Variants in MED15 observed in about 807,000 individuals in gnomAD.
The protein encoded by MED15 is mediator complex subunit 15.
In MED15, 41 loss-of-function variants were observed where a neutral mutation model predicts 118.7. The observed-to-expected ratio is 0.35, with a 90% CI of 0.27 to 0.45. The LOEUF (loss-of-function observed/expected upper bound fraction) is 0.45, where lower values mean the gene tolerates loss of function less well. Among genes scored for constraint, MED15 ranks in the 20% least tolerant of loss-of-function variants. The pLI is 1.00. For missense variants in MED15, 740 were observed against 1,025.5 expected (o/e 0.72, Z 3.80); for synonymous variants, 436 against 413.9 (o/e 1.05, Z -0.65).
chr22:20,520,736 C>T (rs373651069), intron 1 of MED15, among the ~76,000 whole-genome samples: 6 of 152,136 alleles, frequency 3.9e-5, no homozygotes, highest in African/African-American at 9.7e-5. Context: ...TGCAATCACA[C>T]TCTGTGCCAT....
At chr22:20,548,845 C>T (rs931507427) in intron 2 of MED15, among the ~76,000 whole-genome samples, 2 of 151,806 alleles carry the variant, frequency 1.3e-5, no homozygotes, top group African/African-American at 4.8e-5. Flanking sequence ...CTCACTCTGT[C>T]GCCCAAGCTG....
At chr22:20,551,150 G>A (rs1488024135) in intron 2 of MED15, 2 of 608,944 alleles carry the variant, frequency 3.3e-6, no homozygotes, top group African/African-American at 1.8e-5. Flanking sequence ...CACTCAAGAT[G>A]GCTCCCAGCT....
intron 3 of MED15, chr22:20,552,708 A>C: frequency 3.3e-6 from 1 of 300,168 alleles, no homozygotes; most frequent in Non-Finnish European, 6.9e-6. Flanking sequence ...TTCCTCATCT[A>C]GGTAACAGAG....
At chr22:20,508,318 G>C in intron 1 of MED15, 1 of 1,303,932 alleles carries the variant, frequency 7.7e-7, no homozygotes, top group South Asian at 1.2e-5. Context: ...TTCTGGAGGA[G>C]AGCGTGAAGA....
Position 20,525,879 on chromosome 22 carries a change from A to C in MED15, c.69-11238A>C, listed in dbSNP as rs577712728. ...GCTATTGTTCGCTGAGTATTTCTCTACGACACTCTTTATGTGCATTTTGTC... is the reference window on the plus strand; with the variant it reads ...GCTATTGTTCGCTGAGTATTTCTCTCCGACACTCTTTATGTGCATTTTGTC... On this transcript the variant is annotated intron_variant, in intron 1 of 17. Transcript: ENST00000263205. Among the ~76,000 whole-genome samples the C allele has an allele frequency of 2.6e-5, 4 of 151,456 alleles. No individual in the cohort carries two copies. The South Asian group carries it at 8.3e-4, about 32-fold the overall frequency.
chr22:20,581,063 A>T (rs2056965495), intron 9 of MED15, among the ~76,000 whole-genome samples: 1 of 151,728 alleles, frequency 6.6e-6, no homozygotes, highest in African/African-American at 2.4e-5. Context: ...TTGGATAGGG[A>T]CCTCTGACCC....
At chr22:20,576,647 GGT>G (rs1252307945) in intron 9 of MED15, among the ~76,000 whole-genome samples, 1 of 152,254 alleles carries the variant, frequency 6.6e-6, no homozygotes, top group Non-Finnish European at 1.5e-5. Context: ...GGAATCTGCT[GGT>G]AGAAAGGCTT....
chr22:20,513,629 T>C (rs1569165069), intron 1 of MED15, among the ~76,000 whole-genome samples: 2 of 152,082 alleles, frequency 1.3e-5, no homozygotes, highest in Non-Finnish European at 2.9e-5. Flanking sequence ...AGCCAATCTG[T>C]TTTACAGGTG....
At position 20,566,697 on chromosome 22, in the gene MED15, G is replaced by C. The variant is rs1257161585; in HGVS notation, c.921G>C (p.Gln307His). 1 of 1,614,166 alleles carries C rather than the reference G, an allele frequency of 6.2e-7. No homozygotes were observed. The highest frequency in any genetic ancestry group is 1.6e-4 in the Middle Eastern group (1 of 6,062). Residue 307 changes from glutamine (Q) to histidine (H), a missense_variant, in exon 7 of 18, where the codon CAG becomes CAC. By Grantham distance (24) the Gln-to-His change is conservative. Coordinates refer to ENST00000263205, the MANE Select transcript of MED15 (RefSeq NM_001003891.3). The stretch of plus-strand genomic sequence containing the variant: ...ACCAGCCGCCACCACAGCCCCAGCA[G>C]CCTCCAGTTGCTCAGAACCAACCAT... ...QHHQPPPQPQ[Q>H]PPVAQNQPSQ...
intron 1 of MED15, among the ~76,000 whole-genome samples, chr22:20,519,889 C>T (rs1025920227): frequency 6.6e-6 from 1 of 152,240 alleles, no homozygotes; most frequent in African/African-American, 2.4e-5. Flanking sequence ...CTGGGGGCCT[C>T]CTCCTTCTGG....
chr22:20,512,683 C>G (rs2054113805), intron 1 of MED15, among the ~76,000 whole-genome samples: 1 of 150,834 alleles, frequency 6.6e-6, no homozygotes, highest in African/African-American at 2.4e-5. Context: ...GCTCCGCCTC[C>G]CAGGTTCACG....
At chr22:20,518,554 A>T (rs985498437) in intron 1 of MED15, among the ~76,000 whole-genome samples, 4 of 152,304 alleles carry the variant, frequency 2.6e-5, no homozygotes, top group Middle Eastern at 3.4e-3. Flanking sequence ...GCCCTCATTG[A>T]GTGCATCCTG....
intron 1 of MED15, among the ~76,000 whole-genome samples, chr22:20,516,883 C>G (rs1388364859): frequency 6.6e-6 from 1 of 152,264 alleles, no homozygotes; most frequent in East Asian, 1.9e-4. Flanking sequence ...ACGCACCACT[C>G]TGCTTCAGTG....
chr22:20,518,104 A>G (rs1021023140), intron 1 of MED15, among the ~76,000 whole-genome samples: 2 of 152,274 alleles, frequency 1.3e-5, no homozygotes, highest in Non-Finnish European at 2.9e-5. Flanking sequence ...TAATGCGTCA[A>G]CATCGACAAG....
chr22:20,532,222 T>G (rs559977192), intron 1 of MED15, among the ~76,000 whole-genome samples: 1 of 152,224 alleles, frequency 6.6e-6, no homozygotes, highest in Non-Finnish European at 1.5e-5. Context: ...GGGCAAAGAT[T>G]TGAACTTTGG....
Position 20,568,707 on chromosome 22 carries a change from G to A in MED15, c.1152+76G>A, listed in dbSNP as rs887077046. On this transcript the variant is annotated intron_variant, in intron 8 of 17. Coordinates refer to ENST00000263205, the MANE Select transcript of MED15 (RefSeq NM_001003891.3). ...ACCTGCGCATGTAGTGCTACAGTGAGGGTTCTGGTTGGATTAGGGGCTGGG... is the reference window on the plus strand; with the variant it reads ...ACCTGCGCATGTAGTGCTACAGTGAAGGTTCTGGTTGGATTAGGGGCTGGG... 4.5e-6 allele frequency: 7 copies of A among 1,554,878 alleles called. No homozygotes were observed. The African/African-American group carries it at 8.2e-5, about 18-fold the overall frequency.
chr22:20,565,329 G>A (rs953444124), intron 6 of MED15, among the ~76,000 whole-genome samples: 12 of 152,180 alleles, frequency 7.9e-5, no homozygotes, highest in Non-Finnish European at 1.5e-4. Context: ...TGAGGCTTGG[G>A]ACTACTTGAG....
chr22:20,566,544 G>GCAGCAA lies in MED15; in HGVS notation c.773_774insACAGCA (p.Gln261_Gln262dup), dbSNP rs539945336. ...AACAGCAACAGCAGCAGCAGCAGCA[G>GCAGCAA]CAGCAGCAGCAGCAGCAGGCTTTGC... On this transcript the variant is annotated inframe_insertion, in exon 7 of 18. Transcript: ENST00000263205. The GCAGCAA allele has an allele frequency of 6.2e-7, 1 of 1,611,374 alleles. No individual in the cohort carries two copies. The highest frequency in any genetic ancestry group is 8.5e-7 in the Non-Finnish European group (1 of 1,178,394).
intron 1 of MED15, among the ~76,000 whole-genome samples, chr22:20,511,944 G>T (rs6000620): frequency 8.5e-6 from 1 of 118,014 alleles, no homozygotes; most frequent in Non-Finnish European, 1.7e-5. Flanking sequence ...TACCCCCACC[G>T]TGTTCTGACC....
Sources: gnomAD v4.1 joint callset for allele counts (sites outside exome capture counted in the v4.1 genomes callset) on GRCh38, gnomAD v4.1.1 for gene constraint, MANE v1.5 for transcripts, NCBI Gene and HGNC (gene_info 2026-07-23, HGNC 2026-07-21) for gene names.